NEMP2: variants seen among roughly 807,000 people sequenced by gnomAD.
NEMP2 encodes UPF0571 transmembrane protein.
In NEMP2, 53 loss-of-function variants were observed where a neutral mutation model predicts 54.2. The observed-to-expected ratio is 0.98, with a 90% CI of 0.78 to 1.23. The LOEUF (loss-of-function observed/expected upper bound fraction) is 1.23. Among genes scored for constraint, NEMP2 ranks in the 50% most tolerant of loss-of-function variants. NEMP2 has a pLI of 0.00. For missense variants in NEMP2, 455 were observed against 511.3 expected, an observed-to-expected ratio of 0.89 and a Z score of 1.06; for synonymous variants, 197 against 190.3, an observed-to-expected ratio of 1.04 and a Z score of -0.29.
the NEMP2 span, among the ~76,000 whole-genome samples, chr2:190,620,972 A>C: frequency 1.3e-5 from 2 of 152,230 alleles, no homozygotes; most frequent in Non-Finnish European, 2.9e-5. This position sits in a 1 kb window ranked among gnomAD's most constrained non-coding sequence, Gnocchi z 4.9. Context: ...AGCAATGAAC[A>C]ATATGAAAAT....
At chr2:190,614,495 T>C in the NEMP2 span, among the ~76,000 whole-genome samples, 1 of 152,164 alleles carries the variant, frequency 6.6e-6, no homozygotes, top group African/African-American at 2.4e-5. The surrounding 1 kb of genome is among the most constrained non-coding windows in gnomAD (Gnocchi z 5.7). Context: ...CATGCACACA[T>C]ACACACATAC....
the NEMP2 span, among the ~76,000 whole-genome samples, chr2:190,479,357 C>G: frequency 6.6e-6 from 1 of 152,114 alleles, no homozygotes; most frequent in Admixed American, 6.5e-5. Flanking sequence ...AACATATTTC[C>G]TACCTATAAG....
chr2:190,454,216 T>C, the NEMP2 span: 2 of 152,198 alleles, frequency 1.3e-5, no homozygotes, highest in African/African-American at 2.4e-5. This position sits in a 1 kb window ranked among gnomAD's most constrained non-coding sequence, Gnocchi z 4.6. Context: ...AATTAACTCC[T>C]TGTGGTCCTG....
the NEMP2 span, among the ~76,000 whole-genome samples, chr2:190,640,438 AC>A: frequency 6.6e-6 from 1 of 152,152 alleles, no homozygotes; most frequent in African/African-American, 2.4e-5. Flanking sequence ...GTTGGAAAAA[AC>A]CCTTATTCTG....
the NEMP2 span, among the ~76,000 whole-genome samples, chr2:190,488,014 T>G: frequency 2.0e-5 from 3 of 152,194 alleles, no homozygotes; most frequent in Non-Finnish European, 4.4e-5. The surrounding 1 kb of genome is among the most constrained non-coding windows in gnomAD (Gnocchi z 6.4). Context: ...ACGATTCCAC[T>G]GCCTCAGCCT....
chr2:190,556,788 AAGG>A, the NEMP2 span, among the ~76,000 whole-genome samples: 1 of 152,326 alleles, frequency 6.6e-6, no homozygotes, highest in Admixed American at 6.5e-5. Context: ...GGACCTCTTC[AAGG>A]AGAACTACAA....
the NEMP2 span, among the ~76,000 whole-genome samples, chr2:190,441,687 G>A: frequency 2.6e-5 from 4 of 152,066 alleles, no homozygotes; most frequent in Non-Finnish European, 5.9e-5. Context: ...CTTTCTCCAC[G>A]TGGGTACTCT....
the NEMP2 span, among the ~76,000 whole-genome samples, chr2:190,432,694 G>A: frequency 2.0e-5 from 3 of 152,082 alleles, no homozygotes; most frequent in African/African-American, 7.2e-5. Flanking sequence ...TTGAATTACA[G>A]GCGTGAGCCA....
chr2:190,517,496 C>T, intron 5 of NEMP2, 24 bp downstream of exon 5: 2 of 1,475,334 alleles, frequency 1.4e-6, no homozygotes, highest in Non-Finnish European at 1.8e-6. Context: ...CCATTTTTTA[C>T]TCATTTTCAC....
rs950764887 is a variant in NEMP2, at chr2:190,522,009, A to G, written c.214-2826T>C. On this transcript the variant is annotated intron_variant, in intron 2 of 8. Coordinates refer to ENST00000409150, the MANE Select transcript of NEMP2 (RefSeq NM_001142645.2). This position sits in a 1 kb window ranked among gnomAD's most constrained non-coding sequence, Gnocchi z 5.0. Reference sequence around the variant, plus strand: ...ATGCATCGCTAATTACTTTGCAAAAAAAGACACAGGAAAGATATACCAGAA... The same window carrying G: ...ATGCATCGCTAATTACTTTGCAAAAGAAGACACAGGAAAGATATACCAGAA... Among the ~76,000 whole-genome samples, 1 of 152,194 alleles carries G rather than the reference A, an allele frequency of 6.6e-6. No individual in the cohort carries two copies. Among genetic ancestry groups the G allele is most frequent in the Non-Finnish European group, 1.5e-5 (1 of 68,028 alleles).
chr2:190,595,806 G>C, the NEMP2 span, among the ~76,000 whole-genome samples: 3 of 152,216 alleles, frequency 2.0e-5, no homozygotes, highest in African/African-American at 4.8e-5. This position sits in a 1 kb window ranked among gnomAD's most constrained non-coding sequence, Gnocchi z 4.0. Context: ...TGATGGAAGT[G>C]TAAATTAGTT....
At chr2:190,580,958 A>C in the NEMP2 span, among the ~76,000 whole-genome samples, 1 of 152,208 alleles carries the variant, frequency 6.6e-6, no homozygotes, top group Non-Finnish European at 1.5e-5. This position sits in a 1 kb window ranked among gnomAD's most constrained non-coding sequence, Gnocchi z 5.3. Flanking sequence ...ACTTCAATGA[A>C]TCAGAAATAA....
In NEMP2 at chr2:190,531,381, TTAC is replaced by T. The variant is rs1367751653; in HGVS notation, c.97+3175_97+3177del. On this transcript the variant is annotated intron_variant, in intron 1 of 8. Transcript: ENST00000409150. This position sits in a 1 kb window ranked among gnomAD's most constrained non-coding sequence, Gnocchi z 4.7. The stretch of plus-strand genomic sequence containing the variant: ...GTGGGATCAACCCTGAATGCCATCC[TTAC>T]TATGGAAAGACAGGTTTCTAAGCCT... Among the ~76,000 whole-genome samples, 1 of 152,236 alleles carries T rather than the reference TTAC, an allele frequency of 6.6e-6. No individual in the cohort carries two copies. The highest frequency in any genetic ancestry group is 1.5e-5 in the Non-Finnish European group (1 of 68,052).
At chr2:190,572,863 A>ATATATATG in the NEMP2 span, among the ~76,000 whole-genome samples, 5 of 128,916 alleles carry the variant, frequency 3.9e-5, no homozygotes, top group African/African-American at 1.5e-4. Flanking sequence ...ATATATATAT[A>ATATATATG]TATATATATA....
At chr2:190,552,105 G>C in the NEMP2 span, among the ~76,000 whole-genome samples, 1 of 152,204 alleles carries the variant, frequency 6.6e-6, no homozygotes. Context: ...CTCACAACTT[G>C]TGGGTTGGGC....
chr2:190,626,869 G>C, the NEMP2 span: 2 of 152,138 alleles, frequency 1.3e-5, no homozygotes, highest in African/African-American at 4.8e-5. The surrounding 1 kb of genome is among the most constrained non-coding windows in gnomAD (Gnocchi z 4.5). Context: ...GTTTTTAATG[G>C]TAATAGGAAT....
rs1465991252 is a variant in NEMP2, at chr2:190,523,258, G to T, written c.213+2005C>A. Among the ~76,000 whole-genome samples the T allele has an allele frequency of 6.6e-6, 1 of 151,996 alleles. No individual in the cohort carries two copies. The highest frequency in any genetic ancestry group is 1.5e-5 in the Non-Finnish European group (1 of 67,974). ...CCTAAAATACACAACCTCCGAAAAA[G>T]ATTTTAAAAAAACACTATAAATAAA... On this transcript the variant is annotated intron_variant, in intron 2 of 8. Coordinates refer to ENST00000409150, the MANE Select transcript of NEMP2 (RefSeq NM_001142645.2). This position sits in a 1 kb window ranked among gnomAD's most constrained non-coding sequence, Gnocchi z 5.3.
the NEMP2 span, among the ~76,000 whole-genome samples, chr2:190,587,256 C>T: frequency 6.6e-6 from 1 of 152,146 alleles, no homozygotes; most frequent in Non-Finnish European, 1.5e-5. This position sits in a 1 kb window ranked among gnomAD's most constrained non-coding sequence, Gnocchi z 5.4. Context: ...CTCTCTGGAG[C>T]AAAGGGCAGG....
At chr2:190,549,373 A>C in the NEMP2 span, among the ~76,000 whole-genome samples, 2 of 152,198 alleles carry the variant, frequency 1.3e-5, no homozygotes, top group Non-Finnish European at 2.9e-5. Context: ...TTTCTTTTTC[A>C]TATATTAGTT....
Sources: gnomAD v4.1 joint callset for allele counts (sites outside exome capture counted in the v4.1 genomes callset) on GRCh38, gnomAD v4.1.1 for gene constraint, Gnocchi (gnomAD v3.1) non-coding constraint, MANE v1.5 for transcripts, NCBI Gene and HGNC (gene_info 2026-07-23, HGNC 2026-07-21) for gene names.